Variants in CAMK2D observed in about 807,000 individuals in gnomAD.
The protein encoded by CAMK2D is calcium/calmodulin dependent protein kinase II delta, also known as calcium/calmodulin-dependent protein kinase type II subunit delta.
Under a neutral mutation model 84.0 loss-of-function variants are expected in CAMK2D, and 37 were observed. The ratio of observed to expected loss-of-function variants is 0.44; its 90% CI spans 0.34 to 0.58. The LOEUF (loss-of-function observed/expected upper bound fraction) is 0.58, where lower values mean the gene tolerates loss of function less well. Among genes scored for constraint, CAMK2D ranks in the 20% least tolerant of loss-of-function variants. The pLI is 0.02. For synonymous variants in CAMK2D, 202 were observed against 212.5 expected, an observed-to-expected ratio of 0.95 and a Z score of 0.43; for missense variants, 448 against 652.5, an observed-to-expected ratio of 0.69 and a Z score of 3.41.
chr4:113,720,000 T>C (rs1034161834), intron 2 of CAMK2D, among the ~76,000 whole-genome samples: 29 of 152,114 alleles, frequency 1.9e-4, no homozygotes, highest in African/African-American at 7.0e-4. Context: ...TAATACTAAA[T>C]TATATTCTAA....
chr4:113,599,319 A>G (rs1243330930), intron 4 of CAMK2D, among the ~76,000 whole-genome samples: 1 of 152,222 alleles, frequency 6.6e-6, no homozygotes, highest in African/African-American at 2.4e-5. Flanking sequence ...ATGATTCATC[A>G]GCAGCACATT....
At chr4:113,572,789 A>G (rs146232357) in intron 4 of CAMK2D, among the ~76,000 whole-genome samples, 6,252 of 152,216 alleles carry the variant, frequency 0.041, 163 homozygotes, top group South Asian at 0.081. Context: ...CATGGAATCA[A>G]CCTAAATGCC....
intron 2 of CAMK2D, chr4:113,755,002 A>C: frequency 2.0e-6 from 2 of 984,280 alleles, no homozygotes; most frequent in Non-Finnish European, 1.2e-6. Flanking sequence ...GTATAATCAG[A>C]ACTTAATCCA....
intron 4 of CAMK2D, among the ~76,000 whole-genome samples, chr4:113,583,013 T>C (rs2098817702): frequency 6.6e-6 from 1 of 152,204 alleles, no homozygotes; most frequent in Non-Finnish European, 1.5e-5. Flanking sequence ...AGCTCTTCAG[T>C]GGAGTCAAAT....
At chr4:113,695,990 G>C (rs1349634785) in intron 2 of CAMK2D, among the ~76,000 whole-genome samples, 3 of 151,898 alleles carry the variant, frequency 2.0e-5, no homozygotes, top group African/African-American at 7.3e-5. Flanking sequence ...GCTTCTCTTT[G>C]AGCATATTAC....
chr4:113,594,082 AG>A (rs1272568742), intron 4 of CAMK2D, among the ~76,000 whole-genome samples: 2 of 152,218 alleles, frequency 1.3e-5, no homozygotes, highest in South Asian at 2.1e-4. Flanking sequence ...TACTCATGGC[AG>A]AAAGCAAAGC....
intron 16 of CAMK2D, among the ~76,000 whole-genome samples, chr4:113,474,507 T>C: frequency 7.9e-6 from 1 of 126,272 alleles, no homozygotes; most frequent in South Asian, 2.2e-4. Context: ...CCTTTTTTTT[T>C]TTTTTTTTTT....
At chr4:113,569,576 AT>A (rs1382851442) in intron 4 of CAMK2D, among the ~76,000 whole-genome samples, 2 of 152,236 alleles carry the variant, frequency 1.3e-5, no homozygotes, top group East Asian at 3.8e-4. Flanking sequence ...AATAGAGAAT[AT>A]AAAACAAAAC....
intron 17 of CAMK2D, among the ~76,000 whole-genome samples, chr4:113,464,830 G>A (rs1001176699): frequency 3.9e-5 from 6 of 152,164 alleles, no homozygotes; most frequent in Non-Finnish European, 7.3e-5. Flanking sequence ...AACTGCAAGG[G>A]AAAACATTTC....
intron 2 of CAMK2D, among the ~76,000 whole-genome samples, chr4:113,730,967 C>A (rs1051063891): frequency 1.3e-5 from 2 of 152,204 alleles, no homozygotes; most frequent in African/African-American, 4.8e-5. Context: ...AACACAAAGT[C>A]ACTTATTTAG....
intron 3 of CAMK2D, among the ~76,000 whole-genome samples, chr4:113,659,972 C>T (rs1399349108): frequency 6.6e-6 from 1 of 152,034 alleles, no homozygotes; most frequent in East Asian, 1.9e-4. Flanking sequence ...CCCATAGTAT[C>T]CATTCATTTA....
chr4:113,641,886 G>A (rs2154294956), intron 3 of CAMK2D, among the ~76,000 whole-genome samples: 1 of 152,130 alleles, frequency 6.6e-6, no homozygotes, highest in African/African-American at 2.4e-5. Flanking sequence ...GCACATTCCT[G>A]TAATCCCAGC....
rs1440334790 is a variant in CAMK2D, at chr4:113,575,393, CTTTA to C, written c.276-23301_276-23298del. Reference sequence around the variant, plus strand: ...ACAAAAGCTCCTTTGAGCTCCAAAACTTTATTTAATTAATTTTGATGGCTACAAC... The same window carrying C: ...ACAAAAGCTCCTTTGAGCTCCAAAACTTTAATTAATTTTGATGGCTACAAC... On this transcript the variant is annotated intron_variant, in intron 4 of 20. Coordinates refer to ENST00000511664, the MANE Select transcript of CAMK2D (RefSeq NM_001321571.2). 3.3e-5 allele frequency among the ~76,000 whole-genome samples: 5 copies of C among 152,254 alleles called. No homozygotes were observed. In the East Asian group the frequency reaches 7.7e-4, roughly 23 times the overall value.
At chr4:113,717,194 T>C (rs1210685176) in intron 2 of CAMK2D, among the ~76,000 whole-genome samples, 1 of 151,962 alleles carries the variant, frequency 6.6e-6, no homozygotes, top group Non-Finnish European at 1.5e-5. Context: ...CAAAGAGCAA[T>C]AAATTTTAAT....
chr4:113,509,177 A>G (rs1251716465), intron 13 of CAMK2D, among the ~76,000 whole-genome samples: 1 of 152,226 alleles, frequency 6.6e-6, no homozygotes, highest in East Asian at 1.9e-4. Context: ...ACCTTTATAA[A>G]AACTGCCCAA....
chr4:113,545,912 T>C (rs2098564507), intron 6 of CAMK2D, among the ~76,000 whole-genome samples: 1 of 152,180 alleles, frequency 6.6e-6, no homozygotes, highest in East Asian at 1.9e-4. Flanking sequence ...ATCATCTGCT[T>C]AAGTTTTTAA....
rs2098240310 is a variant in CAMK2D, at chr4:113,513,188, G to A, written c.946+140C>T. ...CTAATGGCAGCCATAGGTGTAGAAGGAATCTGTGCCACACATTTGCCACCC... is the reference window on the plus strand; with the variant it reads ...CTAATGGCAGCCATAGGTGTAGAAGAAATCTGTGCCACACATTTGCCACCC... On this transcript the variant is annotated intron_variant, in intron 12 of 20. Coordinates refer to ENST00000511664, the MANE Select transcript of CAMK2D (RefSeq NM_001321571.2). 5.4e-6 allele frequency: 8 copies of A among 1,480,778 alleles called. No individual in the cohort carries two copies. The South Asian group carries it at 5.7e-5, about 11-fold the overall frequency. The allele number at this position is 1,480,778 out of a possible 1,614,324, so 91.7% of individuals were successfully genotyped here.
chr4:113,482,347 AAGGAGACAAAGAAATTAAAAGAAACTG>A (rs1360716996), intron 16 of CAMK2D, among the ~76,000 whole-genome samples: 2 of 152,310 alleles, frequency 1.3e-5, no homozygotes, highest in African/African-American at 2.4e-5. Flanking sequence ...AAGCAAAACT[AAGGAGACAAAGAAATTAAAAGAAACTG>A]AGGAGACAAA....
At chr4:113,586,251 T>C (rs2154247438) in intron 4 of CAMK2D, among the ~76,000 whole-genome samples, 1 of 152,276 alleles carries the variant, frequency 6.6e-6, no homozygotes, top group South Asian at 2.1e-4. Context: ...ATCTTTGCAA[T>C]AACACTTGTT....
Sources: gnomAD v4.1 joint callset for allele counts (sites outside exome capture counted in the v4.1 genomes callset) on GRCh38, gnomAD v4.1.1 for gene constraint, MANE v1.5 for transcripts, NCBI Gene and HGNC (gene_info 2026-07-23, HGNC 2026-07-21) for gene names.